Variants in DOCK3 observed in about 807,000 individuals in gnomAD.
DOCK3 encodes the protein dedicator of cytokinesis 3.
Under a neutral mutation model 265.6 loss-of-function variants are expected in DOCK3, and 60 were observed. The ratio of observed to expected loss-of-function variants is 0.23; its 90% CI spans 0.18 to 0.28. The LOEUF (loss-of-function observed/expected upper bound fraction) is 0.28. Among genes scored for constraint, DOCK3 ranks in the 10% least tolerant of loss-of-function variants. The pLI, the probability that DOCK3 is intolerant of heterozygous loss-of-function variation, is 1.00. For missense variants in DOCK3, 1,981 were observed against 2,594.3 expected (o/e 0.76, Z 5.14); for synonymous variants, 881 against 938.0 (o/e 0.94, Z 1.11).
intron 5 of DOCK3, among the ~76,000 whole-genome samples, chr3:51,044,120 T>C (rs1004941905): frequency 4.6e-5 from 7 of 152,118 alleles, no homozygotes; most frequent in East Asian, 1.9e-4. Flanking sequence ...TAAAGACACA[T>C]GCATATGTTA....
At chr3:50,798,198 C>A (rs2042892902) in intron 2 of DOCK3, among the ~76,000 whole-genome samples, 1 of 152,106 alleles carries the variant, frequency 6.6e-6, no homozygotes, top group Admixed American at 6.5e-5. Context: ...CCATGCCAGG[C>A]AACCAGATCT....
intron 3 of DOCK3, among the ~76,000 whole-genome samples, chr3:50,884,090 C>CTTT (rs547602978): frequency 7.1e-6 from 1 of 140,118 alleles, no homozygotes; most frequent in Non-Finnish European, 1.6e-5. Context: ...ATATACCATT[C>CTTT]TTTTTTTTTT....
At chr3:50,907,771 T>G (rs4688675) in intron 4 of DOCK3, among the ~76,000 whole-genome samples, 8,865 of 152,072 alleles carry the variant, frequency 0.058, 974 homozygotes, top group African/African-American at 0.2. Context: ...AATATTGTTA[T>G]GTGTGAATTT....
intron 14 of DOCK3, among the ~76,000 whole-genome samples, chr3:51,225,201 A>C (rs2090277280): frequency 6.6e-6 from 1 of 152,266 alleles, no homozygotes; most frequent in Non-Finnish European, 1.5e-5. Context: ...TGGGGATTAC[A>C]AAAAGAAAGC....
At chr3:51,276,432 C>T (rs531083263) in intron 25 of DOCK3, 1 of 985,324 alleles carries the variant, frequency 1.0e-6, no homozygotes, top group Admixed American at 6.1e-5. Context: ...GAATGGAACA[C>T]AAGTGGGAAC....
At chr3:51,363,756 A>C (rs1363316704) in intron 49 of DOCK3, among the ~76,000 whole-genome samples, 1 of 152,110 alleles carries the variant, frequency 6.6e-6, no homozygotes, top group African/African-American at 2.4e-5. Flanking sequence ...CTGTCCTTGC[A>C]ATAGTTTGCT....
At chr3:50,889,070 T>G (rs796480187) in intron 3 of DOCK3, among the ~76,000 whole-genome samples, 66 of 110,688 alleles carry the variant, frequency 6.0e-4, no homozygotes, top group Admixed American at 2.1e-3. Context: ...GCCATGGGTG[T>G]GTGTGTGTGT....
chr3:51,220,709 G>GTGTGTATATATA (rs1208536854), intron 14 of DOCK3, among the ~76,000 whole-genome samples: 1 of 132,388 alleles, frequency 7.6e-6, no homozygotes, highest in African/African-American at 3.0e-5. Context: ...GTGTGTGTGT[G>GTGTGTATATATA]TATATATATA....
At chr3:51,252,718 C>T (rs1378177023) in intron 22 of DOCK3, among the ~76,000 whole-genome samples, 2 of 152,138 alleles carry the variant, frequency 1.3e-5, no homozygotes, top group South Asian at 2.1e-4. Flanking sequence ...ATTTTGTATC[C>T]TGAGACTTTG....
At chr3:51,328,713 T>C (rs1348074617) in intron 32 of DOCK3, among the ~76,000 whole-genome samples, 1 of 152,234 alleles carries the variant, frequency 6.6e-6, no homozygotes, top group African/African-American at 2.4e-5. Context: ...ATTCAGTTAT[T>C]CTTTTATTAT....
intron 21 of DOCK3, among the ~76,000 whole-genome samples, chr3:51,240,498 G>A (rs187823771): frequency 2.2e-4 from 34 of 152,248 alleles, no homozygotes; most frequent in Non-Finnish European, 4.3e-4. Context: ...TTAATTTTCT[G>A]TCTTGATGAT....
At chr3:51,113,075 C>T (rs1576121775) in intron 9 of DOCK3, among the ~76,000 whole-genome samples, 2 of 151,990 alleles carry the variant, frequency 1.3e-5, no homozygotes, top group East Asian at 3.9e-4. Flanking sequence ...GTATGCCCAC[C>T]ATATATAAGA....
At chr3:51,352,591 A>G (rs572135217) in intron 40 of DOCK3, among the ~76,000 whole-genome samples, 11 of 152,234 alleles carry the variant, frequency 7.2e-5, no homozygotes, top group African/African-American at 1.7e-4. Context: ...TCACCCATCA[A>G]TCGATTCCCA....
At chr3:51,168,687 G>T (rs2086526016) in intron 12 of DOCK3, among the ~76,000 whole-genome samples, 1 of 152,164 alleles carries the variant, frequency 6.6e-6, no homozygotes, top group Non-Finnish European at 1.5e-5. Context: ...AATGGGCAAA[G>T]ATTTCATGAT....
At chr3:51,203,700 T>C (rs2088970423) in intron 12 of DOCK3, among the ~76,000 whole-genome samples, 1 of 152,324 alleles carries the variant, frequency 6.6e-6, no homozygotes, top group African/African-American at 2.4e-5. Context: ...AGAGCCTGCA[T>C]TGCCAAGTCA....
intron 22 of DOCK3, among the ~76,000 whole-genome samples, chr3:51,250,678 A>T (rs1298821125): frequency 6.6e-6 from 1 of 152,170 alleles, no homozygotes. Context: ...AAACAAGATT[A>T]TGGAACAGAC....
At chr3:51,166,601 G>T (rs2086419602) in intron 12 of DOCK3, among the ~76,000 whole-genome samples, 1 of 152,148 alleles carries the variant, frequency 6.6e-6, no homozygotes, top group Non-Finnish European at 1.5e-5. Flanking sequence ...CAGTTCCCTT[G>T]TCTTCACACT....
At chr3:50,945,116 A>G (rs530908424) in intron 5 of DOCK3, among the ~76,000 whole-genome samples, 5 of 152,232 alleles carry the variant, frequency 3.3e-5, no homozygotes, top group Non-Finnish European at 7.3e-5. Context: ...AGGATAAACT[A>G]AAAGGTAAAG....
intron 2 of DOCK3, among the ~76,000 whole-genome samples, chr3:50,819,079 G>A (rs1433875677): frequency 6.6e-6 from 1 of 152,152 alleles, no homozygotes; most frequent in Non-Finnish European, 1.5e-5. Flanking sequence ...AACTGCATGA[G>A]TTTGTTGGTT....
Sources: gnomAD v4.1 joint callset for allele counts (sites outside exome capture counted in the v4.1 genomes callset) on GRCh38, gnomAD v4.1.1 for gene constraint, MANE v1.5 for transcripts, NCBI Gene and HGNC (gene_info 2026-07-23, HGNC 2026-07-21) for gene names.